MAN2A2: variants seen among roughly 807,000 people sequenced by gnomAD.
MAN2A2 encodes mannosidase alpha class 2A member 2.
A neutral mutation model predicts 126.8 loss-of-function variants in MAN2A2; 79 were observed. The observed-to-expected ratio is 0.62, with a 90% CI of 0.52 to 0.75. MAN2A2 has a LOEUF of 0.75. MAN2A2 is among the 30% of genes least tolerant of loss of function. The probability of loss-of-function intolerance (pLI) is 0.00; values close to 1 mark genes in which losing one functional copy is unlikely to be tolerated. For missense variants in MAN2A2, 1,392 were observed against 1,522.4 expected, an observed-to-expected ratio of 0.91 and a Z score of 1.43; for synonymous variants, 671 against 618.7, an observed-to-expected ratio of 1.08 and a Z score of -1.25.
chr15:90,906,194 G>T (rs1253778235), intron 5 of MAN2A2, among the ~76,000 whole-genome samples, 176 bp from the exon 6 acceptor site: 2 of 152,220 alleles, frequency 1.3e-5, no homozygotes, highest in Admixed American at 1.3e-4. Flanking sequence ...GATAAGCGGG[G>T]CCAGGATAGC....
At position 90,905,565 on chromosome 15, in the gene MAN2A2, A is replaced by C. The variant is rs748813052; in HGVS notation, c.391-14A>C. The C allele has an allele frequency of 1.2e-6, 2 of 1,614,042 alleles. No individual in the cohort carries two copies. The highest frequency in any genetic ancestry group is 1.7e-6 in the Non-Finnish European group (2 of 1,180,042). On this transcript the variant is annotated splice_polypyrimidine_tract_variant and intron_variant, in intron 3 of 22. Coordinates refer to ENST00000559717, the MANE Select transcript of MAN2A2 (RefSeq NM_006122.4). The stretch of plus-strand genomic sequence containing the variant: ...GGCCACGACTGGGGTACTGAGCTGC[A>C]GTTCACCTGGCAGATGCTCACTGTG...
At chr15:90,916,602 A>C in intron 20 of MAN2A2, 1 of 1,325,988 alleles carries the variant, frequency 7.5e-7, no homozygotes, top group Non-Finnish European at 9.9e-7. Flanking sequence ...TTTTTCTCCA[A>C]ACTGGCAGCC....
intron 19 of MAN2A2, 91 bp from the exon 20 acceptor site, chr15:90,916,032 C>G (rs1018837224): frequency 6.9e-7 from 1 of 1,443,330 alleles, no homozygotes; most frequent in Non-Finnish European, 9.5e-7. Context: ...TGCGCTTTTC[C>G]GTCAGGGCCT....
Position 90,906,570 on chromosome 15 carries a change from G to A in MAN2A2, c.835+73G>A, listed in dbSNP as rs2034305197. On this transcript the variant is annotated intron_variant, in intron 6 of 22. Coordinates refer to ENST00000559717, the MANE Select transcript of MAN2A2 (RefSeq NM_006122.4). ...ACAGGCAGGGGCTGTAAGGCACAGG[G>A]ATCGGCAGGGGGTGGTTCCTTTCTA... 2.5e-6 allele frequency: 4 copies of A among 1,608,998 alleles called. No homozygotes were observed. In the East Asian group the frequency reaches 8.9e-5, roughly 36 times the overall value.
rs761155884 is a variant in MAN2A2 at position 90,918,264 on chromosome 15, C to G, written c.3065C>G (p.Pro1022Arg). 6.2e-7 allele frequency: 1 copy of G among 1,614,168 alleles called. No homozygotes were observed. The highest frequency in any genetic ancestry group is 8.5e-7 in the Non-Finnish European group (1 of 1,180,004). ...CTGACCTCCATGTACCTGAACGCCC[C>G]GGCGCTCGCTCTGCCTGTAGCCAGG... ...SHLTSMYLNA[P>R]ALALPVARMQ... Residue 1022 changes from proline to arginine, a missense_variant, in exon 21 of 23, where the codon CCG becomes CGG. Pro to Arg is a moderately radical substitution (Grantham distance 103). Coordinates refer to ENST00000559717, the MANE Select transcript of MAN2A2 (RefSeq NM_006122.4).
chr15:90,913,149 C>A, intron 17 of MAN2A2, 124 bp from the exon 18 acceptor site: 1 of 1,319,966 alleles, frequency 7.6e-7, no homozygotes, highest in Non-Finnish European at 1.1e-6. Flanking sequence ...CAGAAATGCC[C>A]TGGGGATTTC....
intron 20 of MAN2A2, 58 bp downstream of exon 20, chr15:90,916,314 G>A (rs554086972): frequency 1.4e-5 from 22 of 1,566,918 alleles, no homozygotes; most frequent in African/African-American, 1.1e-4. Flanking sequence ...GGGGGTGGCC[G>A]GGGGGTCCAG....
intron 5 of MAN2A2, 113 bp downstream of exon 5, chr15:90,906,129 G>C (rs1003097597): frequency 4.2e-5 from 61 of 1,468,330 alleles, no homozygotes; most frequent in Non-Finnish European, 2.2e-5. Context: ...CCAGAGAGCT[G>C]TGGAAGAGAT....
chr15:90,916,232 A>G lies in MAN2A2; in HGVS notation c.2970A>G (p.Leu990=). Residue 990 remains leucine, a synonymous_variant, in exon 20 of 23, where the codon CTA becomes CTG. Transcript: ENST00000559717. ...CCTGCAACCGTTTCCGCCTCCTGCT[A>G]GAGCGGCGAACCGTGGGCAGTGAGG... is the stretch of plus-strand genomic sequence containing the variant. ...KRTCNRFRLL[L]ERRTVGSEVQ... 1.9e-6 allele frequency: 3 copies of G among 1,614,096 alleles called. No individual in the cohort carries two copies. Among genetic ancestry groups the G allele is most frequent in the Non-Finnish European group, 2.5e-6 (3 of 1,179,988 alleles).
chr15:90,912,137 G>T lies in MAN2A2; in HGVS notation c.2204G>T (p.Arg735Leu). ...DGHRTLPSSV[R>L]IYLHGRQLSV... ...CACCGCACGCTGCCCTCCTCTGTGCGCATCTACCTGCACGGCCGGCAGCTG... is the reference window on the plus strand; with the variant it reads ...CACCGCACGCTGCCCTCCTCTGTGCTCATCTACCTGCACGGCCGGCAGCTG... The change falls in exon 15 of 23, where the codon CGC becomes CTC. Residue 735 changes from arginine (R) to leucine (L), a missense_variant. Physicochemically the swap from Arg to Leu is moderately radical, Grantham distance 102. Transcript: ENST00000559717. 1 of 1,613,776 alleles carries T rather than the reference G, an allele frequency of 6.2e-7. No homozygotes were observed. Among genetic ancestry groups the T allele is most frequent in the South Asian group, 1.1e-5 (1 of 91,088 alleles).
chr15:90,917,305 G>A (rs997510595), intron 20 of MAN2A2, among the ~76,000 whole-genome samples: 14 of 152,194 alleles, frequency 9.2e-5, no homozygotes, highest in Admixed American at 6.5e-5. Context: ...CAGGGCAGAC[G>A]GCAGAGCACC....
intron 13 of MAN2A2, 54 bp from the exon 14 acceptor site, chr15:90,911,331 C>T: frequency 1.9e-6 from 3 of 1,613,058 alleles, no homozygotes; most frequent in Non-Finnish European, 2.5e-6. Flanking sequence ...GTGCAGGGCG[C>T]TTGCCCTGGT....
intron 22 of MAN2A2, 82 bp from the exon 23 acceptor site, chr15:90,919,553 G>C: frequency 2.6e-6 from 4 of 1,524,640 alleles, no homozygotes; most frequent in Non-Finnish European, 3.6e-6. Flanking sequence ...TTCTTAAAGA[G>C]GTACCAAATT....
intron 16 of MAN2A2, 69 bp from the exon 17 acceptor site, chr15:90,912,807 GC>G: frequency 6.4e-7 from 1 of 1,555,456 alleles, no homozygotes; most frequent in South Asian, 1.1e-5. Flanking sequence ...CTCTTGCCCA[GC>G]CCTGGGCTGG....
intron 22 of MAN2A2, among the ~76,000 whole-genome samples, 153 bp downstream of exon 22, chr15:90,918,908 C>T (rs191981328): frequency 4.6e-5 from 7 of 152,266 alleles, no homozygotes; most frequent in Admixed American, 1.3e-4. Flanking sequence ...TTCAGAGCTC[C>T]GGAGGCCTGG....
chr15:90,911,636 T>C, intron 14 of MAN2A2, 86 bp downstream of exon 14: 1 of 1,409,332 alleles, frequency 7.1e-7, no homozygotes, highest in Admixed American at 2.2e-5. Context: ...CCCACCCTCC[T>C]GCTTGTGGCC....
At chr15:90,910,711 G>A (rs1311560733) in intron 11 of MAN2A2, 28 bp downstream of exon 11, 23 of 1,611,240 alleles carry the variant, frequency 1.4e-5, no homozygotes, top group Non-Finnish European at 1.9e-5. Flanking sequence ...TCCCTTGTAA[G>A]CTCCCCTGCT....
At position 90,904,174 on chromosome 15, in the gene MAN2A2, G is replaced by C. The variant is rs1174015790; in HGVS notation, c.-18-16G>C. On this transcript the variant is annotated splice_polypyrimidine_tract_variant and intron_variant, in intron 1 of 22. Transcript: ENST00000559717. ...ATTTTGCATGTTGGAGCTACAGATG[G>C]TGTCCTTCCTGCCAGGTGTGTGTGG... 1 of 1,613,976 alleles carries C rather than the reference G, an allele frequency of 6.2e-7. No homozygotes were observed. The highest frequency in any genetic ancestry group is 2.2e-5 in the East Asian group (1 of 44,888).
intron 4 of MAN2A2, 39 bp from the exon 5 acceptor site, chr15:90,905,806 A>T (rs1198952203): frequency 6.3e-7 from 1 of 1,584,124 alleles, no homozygotes; most frequent in African/African-American, 1.3e-5. Context: ...GTCGAAGAAG[A>T]TGGTGGCATC....
Sources: allele counts gnomAD v4.1 joint callset (sites outside exome capture counted in the v4.1 genomes callset), GRCh38; gene constraint gnomAD v4.1.1; transcripts MANE v1.5; gene names NCBI Gene and HGNC (gene_info 2026-07-23, HGNC 2026-07-21).